GALNT16: variants seen among roughly 807,000 people sequenced by gnomAD.
The protein encoded by GALNT16 is UDP-GalNAc:polypeptide N-acetylgalactosaminyltransferase-like protein 1.
A neutral mutation model predicts 76.1 loss-of-function variants in GALNT16; 40 were observed. The observed-to-expected ratio is 0.53, with a 90% CI of 0.41 to 0.68. The LOEUF is 0.68. Among genes scored for constraint, GALNT16 ranks in the 30% least tolerant of loss-of-function variants. The pLI, the probability that GALNT16 is intolerant of heterozygous loss-of-function variation, is 0.00. For synonymous variants in GALNT16, 276 were observed against 285.2 expected, an observed-to-expected ratio of 0.97 and a Z score of 0.32; for missense variants, 621 against 731.9, an observed-to-expected ratio of 0.85 and a Z score of 1.75.
the GALNT16 span, among the ~76,000 whole-genome samples, chr14:69,382,669 CA>C: frequency 0.13 from 18,619 of 139,010 alleles, 1,330 homozygotes; most frequent in Middle Eastern, 0.26. Flanking sequence ...CCGTCTCCAC[CA>C]AAAAAAAAAA....
chr14:69,308,516 A>G (rs1370705192), intron 1 of GALNT16, among the ~76,000 whole-genome samples: 4 of 152,248 alleles, frequency 2.6e-5, no homozygotes, highest in Non-Finnish European at 5.9e-5. Flanking sequence ...GAATTCTAGT[A>G]TAAGGATAAA....
the GALNT16 span, among the ~76,000 whole-genome samples, chr14:69,373,740 TTC>T: frequency 0.037 from 5,663 of 151,576 alleles, 148 homozygotes; most frequent in Middle Eastern, 0.078. Flanking sequence ...TTCTTTTTCT[TTC>T]TCTTTGTTCT....
intron 1 of GALNT16, among the ~76,000 whole-genome samples, chr14:69,289,537 G>A (rs1314001408): frequency 6.6e-6 from 1 of 152,116 alleles, no homozygotes; most frequent in Non-Finnish European, 1.5e-5. Context: ...TTGCCCTTTG[G>A]TGGGAAGAAG....
intron 1 of GALNT16, among the ~76,000 whole-genome samples, chr14:69,299,960 G>A (rs574565138): frequency 1.2e-4 from 18 of 152,148 alleles, no homozygotes; most frequent in Non-Finnish European, 2.4e-4. Flanking sequence ...ACAAGAGTTC[G>A]AGCAGCCTCA....
the GALNT16 span, among the ~76,000 whole-genome samples, chr14:69,383,483 G>A: frequency 1.3e-5 from 2 of 152,124 alleles, no homozygotes; most frequent in African/African-American, 4.8e-5. Context: ...TTACCTCTTT[G>A]GAAACAATAC....
rs1241343013 is a variant in GALNT16, at chr14:69,333,917, G to A, written c.967+317G>A. ...ACACACAACTGTATCACAGACCACA[G>A]CTTACACACGTGGCTGCTTCCCTAC... On this transcript the variant is annotated intron_variant, in intron 9 of 14. Coordinates refer to ENST00000448469, the MANE Select transcript of GALNT16 (RefSeq NM_001168368.2). The surrounding 1 kb of genome is among the most constrained non-coding windows in gnomAD (Gnocchi z 4.2). Among the ~76,000 whole-genome samples, 1 of 152,224 alleles carries A rather than the reference G, an allele frequency of 6.6e-6. No homozygotes were observed. The highest frequency in any genetic ancestry group is 1.5e-5 in the Non-Finnish European group (1 of 68,044).
At chr14:69,315,956 A>C (rs1371409451) in intron 1 of GALNT16, among the ~76,000 whole-genome samples, 2 of 151,318 alleles carry the variant, frequency 1.3e-5, no homozygotes, top group African/African-American at 4.8e-5. Flanking sequence ...AGTGCTGGCA[A>C]AAAAAAAAGT....
chr14:69,311,290 C>A (rs1046539016), intron 1 of GALNT16, among the ~76,000 whole-genome samples: 2 of 152,100 alleles, frequency 1.3e-5, no homozygotes, highest in Non-Finnish European at 1.5e-5. Context: ...GGTGAAAGGG[C>A]GTAAAGGTGT....
chr14:69,267,882 G>A lies in GALNT16; in HGVS notation c.177+7415G>A, dbSNP rs569798654. Among the ~76,000 whole-genome samples, 4 of 152,256 alleles carry A rather than the reference G, an allele frequency of 2.6e-5. No homozygotes were observed. In the South Asian group the frequency reaches 6.2e-4, roughly 24 times the overall value. ...TCTTGGACTTTGTTGAACTTCTCCC[G>A]CGAAAGTGAGGTGGCCTTCAGCCAG... On this transcript the variant is annotated intron_variant, in intron 1 of 14. Transcript: ENST00000448469.
intron 1 of GALNT16, among the ~76,000 whole-genome samples, chr14:69,296,343 A>G (rs1020729427): frequency 6.6e-6 from 1 of 152,174 alleles, no homozygotes; most frequent in Admixed American, 6.5e-5. Flanking sequence ...ACAATTCAAC[A>G]TGAGATTTGG....
chr14:69,346,832 C>T (rs2140199728), intron 12 of GALNT16, among the ~76,000 whole-genome samples: 1 of 152,250 alleles, frequency 6.6e-6, no homozygotes, highest in Non-Finnish European at 1.5e-5. Flanking sequence ...GGTCCCAGAG[C>T]CACTTGGAAG....
chr14:69,355,287 A>T (rs1014720839), downstream of GALNT16: 1 of 152,260 alleles, frequency 6.6e-6, no homozygotes, highest in Non-Finnish European at 1.5e-5. Context: ...CTGGCTGCAG[A>T]GAATACACCT....
At chr14:69,325,252 G>A in intron 3 of GALNT16, 85 bp from the exon 4 acceptor site, 1 of 839,410 alleles carries the variant, frequency 1.2e-6, no homozygotes, top group Non-Finnish European at 2.1e-6. Context: ...CTGGGCGGCT[G>A]GGGAGTCCCA....
chr14:69,267,587 G>A (rs1460870514), intron 1 of GALNT16, among the ~76,000 whole-genome samples: 1 of 152,208 alleles, frequency 6.6e-6, no homozygotes, highest in Admixed American at 6.5e-5. Flanking sequence ...GAATTGGGCT[G>A]TTGCAGGATT....
At chr14:69,302,016 G>C (rs1005324818) in intron 1 of GALNT16, among the ~76,000 whole-genome samples, 1 of 152,100 alleles carries the variant, frequency 6.6e-6, no homozygotes, top group African/African-American at 2.4e-5. Context: ...AATCTCAAGA[G>C]GGATTCTTAA....
intron 1 of GALNT16, among the ~76,000 whole-genome samples, chr14:69,286,836 T>C (rs999077721): frequency 1.3e-5 from 2 of 152,162 alleles, no homozygotes; most frequent in African/African-American, 4.8e-5. Flanking sequence ...TACAACTCTT[T>C]CAACTTCTCA....
rs150626773 is a variant in GALNT16, at chr14:69,323,966, A to T, written c.336-726A>T. On this transcript the variant is annotated intron_variant, in intron 2 of 14. Coordinates refer to ENST00000448469, the MANE Select transcript of GALNT16 (RefSeq NM_001168368.2). ...AAATAAATGCATACGCAGAAACAACAGGGATGAAGTCTGGCAGGAATGAAT... is the reference window on the plus strand; with the variant it reads ...AAATAAATGCATACGCAGAAACAACTGGGATGAAGTCTGGCAGGAATGAAT... 9.8e-5 allele frequency among the ~76,000 whole-genome samples: 15 copies of T among 152,312 alleles called. No homozygotes were observed. The East Asian group carries it at 2.7e-3, about 27-fold the overall frequency.
At chr14:69,370,821 G>A in the GALNT16 span, among the ~76,000 whole-genome samples, 8 of 152,290 alleles carry the variant, frequency 5.3e-5, no homozygotes, top group Non-Finnish European at 1.2e-4. Flanking sequence ...ATGGGCAAAG[G>A]AGCCTCCTGG....
chr14:69,275,718 G>T (rs1462178599), intron 1 of GALNT16, among the ~76,000 whole-genome samples: 1 of 152,204 alleles, frequency 6.6e-6, no homozygotes, highest in East Asian at 1.9e-4. Flanking sequence ...AATTAGCCAG[G>T]CATGGTGGCA....
Sources: allele counts gnomAD v4.1 joint callset (sites outside exome capture counted in the v4.1 genomes callset), GRCh38; gene constraint gnomAD v4.1.1; non-coding constraint Gnocchi (gnomAD v3.1); transcripts MANE v1.5; gene names NCBI Gene and HGNC (gene_info 2026-07-23, HGNC 2026-07-21).